Variants in TEX46 observed in about 807,000 individuals in gnomAD.
The protein encoded by TEX46 is testis-expressed protein 46.
TEX46 carries 6 observed loss-of-function variants against 5.3 expected under a neutral mutation model. The observed-to-expected ratio is 1.13, with a 90% CI of 0.62 to 2.23. TEX46 has a LOEUF of 2.23. TEX46 is among the 30% of genes most tolerant of loss of function. TEX46 has a pLI of 0.00. For synonymous variants in TEX46, 41 were observed against 54.6 expected (o/e 0.75, Z 1.10); for missense variants, 131 against 150.9 (o/e 0.87, Z 0.69).
intron 2 of TEX46, among the ~76,000 whole-genome samples, chr1:23,013,021 T>C (rs965959990): frequency 2.6e-5 from 4 of 151,666 alleles, no homozygotes; most frequent in Non-Finnish European, 5.9e-5. Context: ...CGCACCACCA[T>C]GCCTGGCTCA....
chr1:23,010,889 G>T lies in TEX46; in HGVS notation c.*12C>A. ...AGGTAACATCGGCAGAGGCCAGCCC[G>T]CCTCGGCCTCATTAGCTGGGGGAAC... On this transcript the variant is annotated 3_prime_UTR_variant, in exon 3 of 3. Coordinates refer to ENST00000566855, the MANE Select transcript of TEX46 (RefSeq NM_001242521.2). 4.6e-6 allele frequency: 7 copies of T among 1,521,762 alleles called. No homozygotes were observed. The highest frequency in any genetic ancestry group is 5.3e-6 in the Non-Finnish European group (6 of 1,134,982). 94.3% of individuals were successfully genotyped at this position (1,521,762 alleles called of 1,614,324 possible).
intron 1 of TEX46, among the ~76,000 whole-genome samples, chr1:23,015,420 C>T (rs114457847): frequency 0.056 from 4,921 of 88,432 alleles, 332 homozygotes; most frequent in African/African-American, 0.19. Context: ...TGGGCGACAA[C>T]AGTAAGACTC....
Position 23,014,064 on chromosome 1 carries a change from T to C in TEX46, c.3-19A>G. The C allele has an allele frequency of 6.5e-7, 1 of 1,534,264 alleles. No individual in the cohort carries two copies. The highest frequency in any genetic ancestry group is 8.7e-7 in the Non-Finnish European group (1 of 1,145,780). ...GAGACTCCTAAAGAGAAATATCAGTTCTGCCAGCATTATGGCGTGGAGGCA... is the reference window on the plus strand; with the variant it reads ...GAGACTCCTAAAGAGAAATATCAGTCCTGCCAGCATTATGGCGTGGAGGCA... On this transcript the variant is annotated intron_variant, in intron 1 of 2. Coordinates refer to ENST00000566855, the MANE Select transcript of TEX46 (RefSeq NM_001242521.2).
intron 1 of TEX46, among the ~76,000 whole-genome samples, chr1:23,015,334 G>A (rs1641404297): frequency 6.7e-6 from 1 of 149,984 alleles, no homozygotes; most frequent in Non-Finnish European, 1.5e-5. Flanking sequence ...TACTCGGGAG[G>A]CTGAGGCAGG....
At chr1:23,015,264 C>T (rs1192030098) in intron 1 of TEX46, among the ~76,000 whole-genome samples, 1 of 151,038 alleles carries the variant, frequency 6.6e-6, no homozygotes, top group South Asian at 2.1e-4. Context: ...GGTGAAACCC[C>T]GTCTCTACCA....
At position 23,013,897 on chromosome 1, in the gene TEX46, G is replaced by A. The variant is rs1641384716; in HGVS notation, c.151C>T (p.Pro51Ser). 6.5e-7 allele frequency: 1 copy of A among 1,535,834 alleles called. No individual in the cohort carries two copies. The highest frequency in any genetic ancestry group is 1.4e-5 in the African/African-American group (1 of 73,022). ...LVKYEHKLTL[P>S]EPQQDEILQR... The stretch of plus-strand genomic sequence containing the variant: ...CTTGTGCTCACCTGCTGGGGCTCTG[G>A]GAGGGTGAGCTTGTGTTCATACTTG... Residue 51 changes from proline (P) to serine (S), a missense_variant, in exon 2 of 3, where the codon CCA becomes TCA. Transcript: ENST00000566855.
intron 1 of TEX46, among the ~76,000 whole-genome samples, chr1:23,015,333 G>A (rs1270925448): frequency 6.7e-6 from 1 of 150,344 alleles, no homozygotes; most frequent in Non-Finnish European, 1.5e-5. Context: ...CTACTCGGGA[G>A]GCTGAGGCAG....
chr1:23,015,770 A>G lies in TEX46; in HGVS notation c.2+2T>C. The G allele has an allele frequency of 1.4e-6, 1 of 699,408 alleles. No homozygotes were observed. The allele number at this position is 699,408 out of a possible 1,614,324, so 43.3% of individuals were successfully genotyped here. On this transcript the variant is annotated splice_donor_variant, in intron 1 of 2. Transcript: ENST00000566855. LOFTEE classifies it high-confidence loss of function. ...AAACAAATACCGTATGATTCCACTT[A>G]CATGAGCTATCTACAATAGTCAAAT...
intron 1 of TEX46, among the ~76,000 whole-genome samples, chr1:23,015,053 G>A (rs1641400191): frequency 6.6e-6 from 1 of 151,892 alleles, no homozygotes; most frequent in Admixed American, 6.5e-5. Context: ...ATGTTGGTCA[G>A]GCTGGTCTCG....
intron 1 of TEX46, among the ~76,000 whole-genome samples, chr1:23,015,225 G>A (rs1345481591): frequency 1.3e-5 from 2 of 149,356 alleles, no homozygotes; most frequent in Admixed American, 6.7e-5. Flanking sequence ...TGAGGCGGGT[G>A]GACCACCCCA....
rs745435619 is a variant in TEX46, at chr1:23,013,918, A to T, written c.130T>A (p.Tyr44Asn). 2 of 1,536,054 alleles carry T rather than the reference A, an allele frequency of 1.3e-6. No homozygotes were observed. The highest frequency in any genetic ancestry group is 1.7e-6 in the Non-Finnish European group (2 of 1,146,874). ...LLLLSNWLVKYEHKLTLPEPQ... is the reference protein window; with the variant it reads ...LLLLSNWLVKNEHKLTLPEPQ... ...TCTGGGAGGGTGAGCTTGTGTTCAT[A>T]CTTGACCAACCAGTTGCTAAGCAAC... The change falls in exon 2 of 3, where the codon TAT (tyrosine) becomes AAT (asparagine). Residue 44 changes from tyrosine (Y) to asparagine (N), a missense_variant. Transcript: ENST00000566855.
intron 2 of TEX46, 33 bp downstream of exon 2, chr1:23,013,850 C>T: frequency 6.5e-7 from 1 of 1,531,696 alleles, no homozygotes; most frequent in Non-Finnish European, 8.7e-7. Context: ...TCCCCTATCC[C>T]TGAGCTGAAG....
intron 2 of TEX46, 198 bp from the exon 3 acceptor site, chr1:23,011,299 C>A: frequency 1.9e-6 from 1 of 529,128 alleles, no homozygotes; most frequent in Non-Finnish European, 3.4e-6. Context: ...GGTTTACAAA[C>A]ATTATCTTAA....
intron 1 of TEX46, 95 bp downstream of exon 1, chr1:23,015,677 T>C: frequency 4.6e-6 from 3 of 653,332 alleles, no homozygotes; most frequent in East Asian, 2.7e-5. Context: ...AAGGAAATTC[T>C]AACATGTTAC....
chr1:23,014,207 C>T, intron 1 of TEX46, 162 bp from the exon 2 acceptor site: 3 of 1,215,302 alleles, frequency 2.5e-6, no homozygotes, highest in Non-Finnish European at 3.3e-6. Context: ...ATAATAATAA[C>T]TCCTCCTTTG....
At position 23,013,932 on chromosome 1, in the gene TEX46, T is replaced by C; in HGVS notation, c.116A>G (p.Asn39Ser). The C allele has an allele frequency of 6.5e-7, 1 of 1,536,130 alleles. No individual in the cohort carries two copies. The change falls in exon 2 of 3, where the codon AAC (asparagine) becomes AGC (serine). Residue 39 changes from asparagine to serine, a missense_variant. By Grantham distance (46) the Asn-to-Ser change is conservative (BLOSUM62 1). Coordinates refer to ENST00000566855, the MANE Select transcript of TEX46 (RefSeq NM_001242521.2). Reference protein sequence around the residue: ...GFLFLLLLLSNWLVKYEHKLT... With the variant: ...GFLFLLLLLSSWLVKYEHKLT... The stretch of plus-strand genomic sequence containing the variant: ...CTTGTGTTCATACTTGACCAACCAG[T>C]TGCTAAGCAACAGCAGAAGGAATAG...
intron 2 of TEX46, among the ~76,000 whole-genome samples, chr1:23,013,094 G>T (rs1444064985): frequency 2.6e-5 from 4 of 151,888 alleles, no homozygotes; most frequent in South Asian, 2.1e-4. Flanking sequence ...CAAACTCCTG[G>T]CCTCAAGTGG....
At chr1:23,014,780 CA>C (rs550043342) in intron 1 of TEX46, among the ~76,000 whole-genome samples, 111 of 152,088 alleles carry the variant, frequency 7.3e-4, no homozygotes, top group African/African-American at 2.6e-3. Context: ...AGGCTGGTCT[CA>C]AACTCCTAGC....
chr1:23,015,690 C>T (rs1382612904), intron 1 of TEX46, 82 bp downstream of exon 1: 3 of 666,788 alleles, frequency 4.5e-6, no homozygotes, highest in Non-Finnish European at 8.1e-6. Context: ...CATGTTACAA[C>T]ATAGATGAAC....
Sources: gnomAD v4.1 joint callset for allele counts (sites outside exome capture counted in the v4.1 genomes callset) on GRCh38, gnomAD v4.1.1 for gene constraint, MANE v1.5 for transcripts, NCBI Gene and HGNC (gene_info 2026-07-23, HGNC 2026-07-21) for gene names.